MAD1L1: variants seen among roughly 807,000 people sequenced by gnomAD.
MAD1L1 encodes mitotic arrest deficient 1 like 1, also known as mitotic spindle assembly checkpoint protein MAD1.
In MAD1L1, 95 loss-of-function variants were observed where a neutral mutation model predicts 96.9. That is an observed-to-expected ratio of 0.98 (90% CI 0.83 to 1.16). The LOEUF (loss-of-function observed/expected upper bound fraction) is 1.16, where lower values mean the gene tolerates loss of function less well. Among genes scored for constraint, MAD1L1 ranks in the 50% most tolerant of loss-of-function variants. The pLI is 0.00. For synonymous variants in MAD1L1, 473 were observed against 396.6 expected, an observed-to-expected ratio of 1.19 and a Z score of -2.29; for missense variants, 1,007 against 954.4, an observed-to-expected ratio of 1.06 and a Z score of -0.73.
At chr7:1,952,359 C>A (rs779305849) in intron 16 of MAD1L1, among the ~76,000 whole-genome samples, 6 of 152,208 alleles carry the variant, frequency 3.9e-5, no homozygotes, top group Non-Finnish European at 8.8e-5. Flanking sequence ...TGTCCTTCCA[C>A]GAGCCACGGG....
intron 12 of MAD1L1, among the ~76,000 whole-genome samples, chr7:2,020,348 C>T (rs576525380): frequency 6.6e-6 from 1 of 152,344 alleles, no homozygotes; most frequent in African/African-American, 2.4e-5. Flanking sequence ...CCCCAGCATT[C>T]CCATCAAGGC....
chr7:2,028,648 G>A (rs1783088666), intron 12 of MAD1L1, among the ~76,000 whole-genome samples: 1 of 152,008 alleles, frequency 6.6e-6, no homozygotes, highest in South Asian at 2.1e-4. Flanking sequence ...AAGCAGAGAG[G>A]GCCACCCTAT....
chr7:2,069,759 T>G (rs1467560948), intron 11 of MAD1L1, among the ~76,000 whole-genome samples: 1 of 152,192 alleles, frequency 6.6e-6, no homozygotes, highest in African/African-American at 2.4e-5. Flanking sequence ...TCTGTGAGGT[T>G]GAAAGCCCAG....
At chr7:2,165,114 G>A (rs1790361319) in intron 10 of MAD1L1, among the ~76,000 whole-genome samples, 1 of 151,954 alleles carries the variant, frequency 6.6e-6, no homozygotes, top group Non-Finnish European at 1.5e-5. Flanking sequence ...TGAGGCAGGA[G>A]AATCGCCTCA....
intron 12 of MAD1L1, among the ~76,000 whole-genome samples, chr7:2,045,212 G>A (rs1420529275): frequency 2.0e-5 from 3 of 152,208 alleles, no homozygotes; most frequent in African/African-American, 7.2e-5. Flanking sequence ...GTGTCTCAGT[G>A]GCTGTGAATC....
At chr7:2,212,954 C>T (rs778320755) in intron 10 of MAD1L1, among the ~76,000 whole-genome samples, 2 of 152,250 alleles carry the variant, frequency 1.3e-5, no homozygotes, top group African/African-American at 2.4e-5. Flanking sequence ...CAATCAGACG[C>T]CTGCCACTGG....
intron 12 of MAD1L1, among the ~76,000 whole-genome samples, chr7:2,053,964 G>A (rs1373754048): frequency 1.3e-5 from 2 of 152,244 alleles, no homozygotes; most frequent in African/African-American, 4.8e-5. Flanking sequence ...GGTTTCTGAT[G>A]ACACACCTGC....
At chr7:1,838,630 G>C (rs1775644706) in intron 18 of MAD1L1, 1 of 407,124 alleles carries the variant, frequency 2.5e-6, no homozygotes, top group African/African-American at 2.0e-5. Flanking sequence ...AGGTAGCGGA[G>C]TCTAGAGACA....
chr7:2,084,312 G>A (rs527779345), intron 11 of MAD1L1, among the ~76,000 whole-genome samples: 9 of 152,364 alleles, frequency 5.9e-5, no homozygotes, highest in East Asian at 1.9e-4. Flanking sequence ...GGCCGGACCC[G>A]CCACAGAGAC....
At chr7:2,175,683 G>C (rs1320181442) in intron 10 of MAD1L1, among the ~76,000 whole-genome samples, 3 of 152,232 alleles carry the variant, frequency 2.0e-5, no homozygotes, top group Admixed American at 2.0e-4. Context: ...TTGAATGACT[G>C]CCAAAGTAGG....
chr7:1,864,355 C>T (rs1388073679), intron 18 of MAD1L1, among the ~76,000 whole-genome samples: 1 of 152,196 alleles, frequency 6.6e-6, no homozygotes, highest in Non-Finnish European at 1.5e-5. Context: ...GGACGGGACT[C>T]GGGGGAACTT....
intron 14 of MAD1L1, among the ~76,000 whole-genome samples, chr7:2,001,310 G>A (rs762796327): frequency 2.0e-5 from 3 of 152,396 alleles, no homozygotes; most frequent in African/African-American, 4.8e-5. Flanking sequence ...CCCCAGGGCC[G>A]TCCTTGTCCT....
intron 7 of MAD1L1, among the ~76,000 whole-genome samples, chr7:2,217,718 G>C (rs1793367052): frequency 6.6e-6 from 1 of 152,210 alleles, no homozygotes; most frequent in Non-Finnish European, 1.5e-5. Flanking sequence ...CACACACACG[G>C]ACATTTTCTC....
At chr7:1,974,294 C>T (rs575816655) in intron 15 of MAD1L1, among the ~76,000 whole-genome samples, 16 of 152,236 alleles carry the variant, frequency 1.1e-4, no homozygotes, top group Non-Finnish European at 2.2e-4. Context: ...CAAACCCACC[C>T]TGGCACAGGC....
chr7:1,963,120 GA>G (rs1780019168), intron 15 of MAD1L1, among the ~76,000 whole-genome samples: 1 of 152,168 alleles, frequency 6.6e-6, no homozygotes, highest in Non-Finnish European at 1.5e-5. Context: ...AAACGAAGTC[GA>G]TTTCTACATG....
intron 18 of MAD1L1, among the ~76,000 whole-genome samples, chr7:1,892,346 C>G (rs150069265): frequency 1.3e-5 from 2 of 152,352 alleles, no homozygotes; most frequent in East Asian, 3.9e-4. Context: ...GCATCCCTGT[C>G]ATCTGGCAAA....
At chr7:2,042,033 G>A (rs893883925) in intron 12 of MAD1L1, among the ~76,000 whole-genome samples, 6 of 151,858 alleles carry the variant, frequency 4.0e-5, no homozygotes, top group African/African-American at 1.2e-4. Context: ...ACACACACAC[G>A]CACACGGACA....
chr7:2,099,725 A>ACGG (rs1327280557), intron 11 of MAD1L1, among the ~76,000 whole-genome samples: 1 of 152,046 alleles, frequency 6.6e-6, no homozygotes. Context: ...CCCAGGAAGC[A>ACGG]CCCGGGCCGT....
intron 11 of MAD1L1, among the ~76,000 whole-genome samples, chr7:2,101,085 G>A (rs1409236150): frequency 3.9e-5 from 6 of 152,166 alleles, no homozygotes; most frequent in Non-Finnish European, 5.9e-5. Context: ...TGTTTTCAAC[G>A]GCTTCCTTCC....
Sources: gnomAD v4.1 joint callset for allele counts (sites outside exome capture counted in the v4.1 genomes callset) on GRCh38, gnomAD v4.1.1 for gene constraint, MANE v1.5 for transcripts, NCBI Gene and HGNC (gene_info 2026-07-23, HGNC 2026-07-21) for gene names.